Variants in ACTC1 observed in about 807,000 individuals in gnomAD.
The protein encoded by ACTC1 is actin alpha cardiac muscle 1, also known as actin, alpha cardiac muscle 1.
A neutral mutation model predicts 31.6 loss-of-function variants in ACTC1; 10 were observed. The ratio of observed to expected loss-of-function variants is 0.32; its 90% CI spans 0.19 to 0.54. The LOEUF (loss-of-function observed/expected upper bound fraction) is 0.54, where lower values mean the gene tolerates loss of function less well. Among genes scored for constraint, ACTC1 ranks in the 20% least tolerant of loss-of-function variants. The probability of loss-of-function intolerance (pLI) is 0.95; values close to 1 mark genes in which losing one functional copy is unlikely to be tolerated. For synonymous variants in ACTC1, 196 were observed against 185.0 expected (o/e 1.06, Z -0.48); for missense variants, 129 against 506.4 (o/e 0.25, Z 7.15).
rs1321898759 is a variant in ACTC1 at position 34,794,749 on chromosome 15, C to T, written c.60G>A (p.Lys20=). The change falls in exon 2 of 7, where the codon AAG becomes AAA. Residue 20 remains lysine (K), a synonymous_variant. Transcript: ENST00000290378. ...LVCDNGSGLV[K]AGFAGDDAPR... ...GCGCGTCATCGCCCGCAAAGCCGGC[C>T]TTCACCAGCCCAGAGCCGTTGTCGC... is the stretch of plus-strand genomic sequence containing the variant. 1 of 1,613,706 alleles carries T rather than the reference C, an allele frequency of 6.2e-7. No individual in the cohort carries two copies. Among genetic ancestry groups the T allele is most frequent in the South Asian group, 1.1e-5 (1 of 91,050 alleles).
At chr15:34,790,589 C>G (rs181924243) in intron 6 of ACTC1, 34 bp from the exon 7 acceptor site, 1 of 1,613,244 alleles carries the variant, frequency 6.2e-7, no homozygotes, top group African/African-American at 1.3e-5. Flanking sequence ...CCAGTGAACT[C>G]TGAAGTTCCA....
chr15:34,791,955 G>C, intron 5 of ACTC1, 135 bp downstream of exon 5: 7 of 859,806 alleles, frequency 8.1e-6, no homozygotes, highest in Non-Finnish European at 7.5e-6. Context: ...ATCAGGACTT[G>C]AGGTTGAGCT....
intron 1 of ACTC1, among the ~76,000 whole-genome samples, 156 bp downstream of exon 1, chr15:34,795,350 T>TAA (rs1891803882): frequency 1.6e-5 from 2 of 122,754 alleles, no homozygotes; most frequent in African/African-American, 7.8e-5. Flanking sequence ...AGTGTGGGCT[T>TAA]TAAAAAAAAA....
At chr15:34,790,604 A>G in intron 6 of ACTC1, 49 bp from the exon 7 acceptor site, 2 of 1,610,024 alleles carry the variant, frequency 1.2e-6, no homozygotes, top group Non-Finnish European at 1.7e-6. Context: ...GTTCCAAGCA[A>G]GGGAGCAAAT....
rs763713642 is a variant in ACTC1 at position 34,792,363 on chromosome 15, A to G, written c.616+45T>C. On this transcript the variant is annotated intron_variant, in intron 4 of 6. Coordinates refer to ENST00000290378, the MANE Select transcript of ACTC1 (RefSeq NM_005159.5). This position sits in a 1 kb window ranked among gnomAD's most constrained non-coding sequence, Gnocchi z 5.3. ...AGGTAGGCGGATTCAGTGAGAGAGG[A>G]GGAAAGCAGACCCACACTGTGGCAG... 1.2e-6 allele frequency: 2 copies of G among 1,614,064 alleles called. No individual in the cohort carries two copies. The highest frequency in any genetic ancestry group is 3.3e-5 in the Admixed American group (2 of 60,016).
Position 34,792,599 on chromosome 15 carries a change from A to G in ACTC1, c.455-30T>C. On this transcript the variant is annotated intron_variant, in intron 3 of 6. Coordinates refer to ENST00000290378, the MANE Select transcript of ACTC1 (RefSeq NM_005159.5). The surrounding 1 kb of genome is among the most constrained non-coding windows in gnomAD (Gnocchi z 5.3). ...CCGGGGAAGTAGACAAGAACAAGGT[A>G]AATTCCTGAGGACAACACCACTGCT... The G allele has an allele frequency of 6.2e-7, 1 of 1,614,020 alleles. No homozygotes were observed. Among genetic ancestry groups the G allele is most frequent in the Non-Finnish European group, 8.5e-7 (1 of 1,179,880 alleles).
chr15:34,790,838 A>G (rs1351767120), intron 6 of ACTC1, among the ~76,000 whole-genome samples: 1 of 152,172 alleles, frequency 6.6e-6, no homozygotes, highest in Non-Finnish European at 1.5e-5. Context: ...CCTAGCCCAA[A>G]AGTTGGGAGC....
chr15:34,792,346 G>T lies in ACTC1; in HGVS notation c.616+62C>A. On this transcript the variant is annotated intron_variant, in intron 4 of 6. Coordinates refer to ENST00000290378, the MANE Select transcript of ACTC1 (RefSeq NM_005159.5). This position sits in a 1 kb window ranked among gnomAD's most constrained non-coding sequence, Gnocchi z 5.3. ...AGAAGTCAATTATAGGGAGGTAGGCGGATTCAGTGAGAGAGGAGGAAAGCA... is the reference window on the plus strand; with the variant it reads ...AGAAGTCAATTATAGGGAGGTAGGCTGATTCAGTGAGAGAGGAGGAAAGCA... The T allele has an allele frequency of 6.2e-7, 1 of 1,613,764 alleles. No homozygotes were observed. Among genetic ancestry groups the T allele is most frequent in the Non-Finnish European group, 8.5e-7 (1 of 1,179,674 alleles).
intron 1 of ACTC1, 99 bp from the exon 2 acceptor site, chr15:34,794,929 G>C (rs1476180378): frequency 8.2e-7 from 1 of 1,223,986 alleles, no homozygotes; most frequent in Non-Finnish European, 1.1e-6. Context: ...GGGGTTGTGG[G>C]GACTGGACAG....
At position 34,793,226 on chromosome 15, in the gene ACTC1, T is replaced by A; in HGVS notation, c.454+19A>T. On this transcript the variant is annotated intron_variant, in intron 3 of 6. Coordinates refer to ENST00000290378, the MANE Select transcript of ACTC1 (RefSeq NM_005159.5). This position sits in a 1 kb window ranked among gnomAD's most constrained non-coding sequence, Gnocchi z 4.8. ...TGGGAATGTGATTCATCAGTAACTGTCCCCAGAGCCCAGCATACCTGTGGT... is the reference window on the plus strand; with the variant it reads ...TGGGAATGTGATTCATCAGTAACTGACCCCAGAGCCCAGCATACCTGTGGT... 6.2e-7 allele frequency: 1 copy of A among 1,613,072 alleles called. No homozygotes were observed. The highest frequency in any genetic ancestry group is 8.5e-7 in the Non-Finnish European group (1 of 1,179,178).
chr15:34,791,580 T>G, intron 5 of ACTC1: 1 of 456,018 alleles, frequency 2.2e-6, no homozygotes, highest in Non-Finnish European at 3.9e-6. Flanking sequence ...GAAGATGTAT[T>G]GGAAAAGGAA....
rs932156008 is a variant in ACTC1 at position 34,793,066 on chromosome 15, T to A, written c.454+179A>T. Among the ~76,000 whole-genome samples the A allele has an allele frequency of 1.6e-4, 25 of 152,164 alleles. No homozygotes were observed. The highest frequency in any genetic ancestry group is 3.4e-4 in the Non-Finnish European group (23 of 68,028). On this transcript the variant is annotated intron_variant, in intron 3 of 6. Coordinates refer to ENST00000290378, the MANE Select transcript of ACTC1 (RefSeq NM_005159.5). This position sits in a 1 kb window ranked among gnomAD's most constrained non-coding sequence, Gnocchi z 4.8. The stretch of plus-strand genomic sequence containing the variant: ...CTCCACAAGCTATCAGCTCCAACAA[T>A]AATTGTGCTCCGAAACTAACCTCAG...
chr15:34,793,203 G>C lies in ACTC1; in HGVS notation c.454+42C>G. 1.3e-6 allele frequency: 2 copies of C among 1,594,898 alleles called. No individual in the cohort carries two copies. Among genetic ancestry groups the C allele is most frequent in the Non-Finnish European group, 8.6e-7 (1 of 1,162,982 alleles). On this transcript the variant is annotated intron_variant, in intron 3 of 6. Transcript: ENST00000290378. The surrounding 1 kb of genome is among the most constrained non-coding windows in gnomAD (Gnocchi z 4.8). ...GATTCACAGCAAGGTCGGTGACTTG[G>C]GAATGTGATTCATCAGTAACTGTCC...
At chr15:34,794,986 A>T (rs1049516075) in intron 1 of ACTC1, among the ~76,000 whole-genome samples, 156 bp from the exon 2 acceptor site, 1 of 152,170 alleles carries the variant, frequency 6.6e-6, no homozygotes, top group Non-Finnish European at 1.5e-5. Context: ...CCCTCGAATC[A>T]TAAAAGGGAG....
Position 34,793,643 on chromosome 15 carries a change from T to C in ACTC1, c.130-74A>G. 1.5e-6 allele frequency: 2 copies of C among 1,357,804 alleles called. No individual in the cohort carries two copies. Among genetic ancestry groups the C allele is most frequent in the East Asian group, 4.7e-5 (2 of 42,920 alleles). 84.1% of individuals were successfully genotyped at this position (1,357,804 alleles called of 1,614,324 possible). ...ATAATCAGTGTCTTGTCCATTTATA[T>C]CTAACTGCCCAAGTCAAGGAACATA... On this transcript the variant is annotated intron_variant, in intron 2 of 6. Coordinates refer to ENST00000290378, the MANE Select transcript of ACTC1 (RefSeq NM_005159.5). The surrounding 1 kb of genome is among the most constrained non-coding windows in gnomAD (Gnocchi z 4.8).
rs1891673614 is a variant in ACTC1 at position 34,790,310 on chromosome 15, C to T, written c.*102G>A. On this transcript the variant is annotated 3_prime_UTR_variant, in exon 7 of 7. Transcript: ENST00000290378. ...AACAAATTGCACGTGTGTAAACAAA[C>T]TGTACAATGATTGATGAAAGATGAG... 1 of 1,454,832 alleles carries T rather than the reference C, an allele frequency of 6.9e-7. No individual in the cohort carries two copies. The allele number at this position is 1,454,832 out of a possible 1,614,324, so 90.1% of individuals were successfully genotyped here.
chr15:34,794,858 C>G (rs751535500), intron 1 of ACTC1, 28 bp from the exon 2 acceptor site: 2 of 1,600,040 alleles, frequency 1.2e-6, no homozygotes, highest in South Asian at 2.2e-5. Context: ...GAGGGCGGAC[C>G]ACGCTTAGCT....
At position 34,794,673 on chromosome 15, in the gene ACTC1, A is replaced by G; in HGVS notation, c.129+7T>C. 3 of 1,610,858 alleles carry G rather than the reference A, an allele frequency of 1.9e-6. No homozygotes were observed. The highest frequency in any genetic ancestry group is 2.5e-6 in the Non-Finnish European group (3 of 1,178,342). ...GAGTGGGACGGGGGGCTCGGCGGGA[A>G]GTTTACCTGGTGCCGCGGGCGGCCC... On this transcript the variant is annotated splice_region_variant and intron_variant, in intron 2 of 6. Transcript: ENST00000290378.
chr15:34,791,177 A>G lies in ACTC1; in HGVS notation c.927T>C (p.Pro309=), dbSNP rs2307493. The G allele has an allele frequency of 7.4e-3, 11,872 of 1,613,710 alleles. 245 individuals carry two copies. In the African/African-American group the frequency reaches 0.074, roughly 10 times the overall value. Residue 309 remains proline (P), a synonymous_variant, in exon 6 of 7, where the codon CCT becomes CCC. Coordinates refer to ENST00000290378, the MANE Select transcript of ACTC1 (RefSeq NM_005159.5). The stretch of plus-strand genomic sequence containing the variant: ...CCTTCTGCATACGATCAGCAATACC[A>G]GGGTACATAGTGGTGCCTCCAGATA... ...NVLSGGTTMY[P]GIADRMQKEI...
Sources: gnomAD v4.1 joint callset for allele counts (sites outside exome capture counted in the v4.1 genomes callset) on GRCh38, gnomAD v4.1.1 for gene constraint, Gnocchi (gnomAD v3.1) non-coding constraint, MANE v1.5 for transcripts, NCBI Gene and HGNC (gene_info 2026-07-23, HGNC 2026-07-21) for gene names.